KHDRBS2: variants seen among roughly 807,000 people sequenced by gnomAD.
KHDRBS2 encodes KH RNA binding domain containing, signal transduction associated 2.
Under a neutral mutation model 44.3 loss-of-function variants are expected in KHDRBS2, and 26 were observed. The ratio of observed to expected loss-of-function variants is 0.59; its 90% CI spans 0.43 to 0.81. The LOEUF is 0.81. KHDRBS2 is among the 40% of genes least tolerant of loss of function. KHDRBS2 has a pLI of 0.00. For missense variants in KHDRBS2, 476 were observed against 433.1 expected (o/e 1.10, Z -0.88); for synonymous variants, 194 against 151.1 (o/e 1.28, Z -2.08).
the KHDRBS2 span, among the ~76,000 whole-genome samples, chr6:61,552,136 C>T: frequency 1.3e-5 from 2 of 151,990 alleles, no homozygotes; most frequent in African/African-American, 2.4e-5. Flanking sequence ...TTGATTCCTC[C>T]TGTACATGAG....
intron 4 of KHDRBS2, among the ~76,000 whole-genome samples, chr6:61,936,197 T>C (rs1273849940): frequency 2.0e-5 from 3 of 152,216 alleles, no homozygotes; most frequent in South Asian, 4.1e-4. Flanking sequence ...CTTTGCTTCC[T>C]CTCCAGTTCT....
the KHDRBS2 span, among the ~76,000 whole-genome samples, chr6:61,554,516 G>A: frequency 1.3e-5 from 2 of 151,768 alleles, no homozygotes; most frequent in Admixed American, 6.6e-5. Flanking sequence ...TACATTCAAG[G>A]TTAGTATTGA....
At chr6:61,974,468 G>A (rs1211278108) in intron 4 of KHDRBS2, among the ~76,000 whole-genome samples, 4 of 152,008 alleles carry the variant, frequency 2.6e-5, no homozygotes, top group South Asian at 4.1e-4. Flanking sequence ...CCTGTTTCTC[G>A]TTACTCATCA....
rs557151236 is a variant in KHDRBS2, at chr6:62,062,487, C to T, written c.220-14493G>A. ...GGATTAAGAATCTCACTCAAAGCCG[C>T]TCAGCTACGTGGAAACTGAACAACC... On this transcript the variant is annotated intron_variant, in intron 2 of 8. Coordinates refer to ENST00000281156, the MANE Select transcript of KHDRBS2 (RefSeq NM_152688.4). 1.1e-3 allele frequency among the ~76,000 whole-genome samples: 161 copies of T among 152,104 alleles called. 1 individual carries two copies. The highest frequency in any genetic ancestry group is 3.6e-3 in the African/African-American group (151 of 41,502).
At chr6:61,571,624 G>A in the KHDRBS2 span, among the ~76,000 whole-genome samples, 2 of 152,164 alleles carry the variant, frequency 1.3e-5, no homozygotes, top group Non-Finnish European at 2.9e-5. Context: ...CTTTTCTTCA[G>A]TACAGGGAAC....
At chr6:61,930,887 C>G (rs1245247819) in intron 4 of KHDRBS2, among the ~76,000 whole-genome samples, 2 of 151,912 alleles carry the variant, frequency 1.3e-5, no homozygotes, top group Admixed American at 1.3e-4. Flanking sequence ...AATGTTAAAC[C>G]TAATACCACA....
chr6:62,286,061 G>A lies in KHDRBS2; in HGVS notation c.-113C>T, dbSNP rs1842454584. 1.4e-5 allele frequency: 10 copies of A among 708,648 alleles called. No individual in the cohort carries two copies. The highest frequency in any genetic ancestry group is 1.4e-4 in the South Asian group (9 of 66,036). The allele number at this position is 708,648 out of a possible 1,614,324, so 43.9% of individuals were successfully genotyped here. ...GCGCTGCTCCTCCTCCGCGCGGCGA[G>A]GGATCTCTGTGCGTCCTCACTGGCC... On this transcript the variant is annotated 5_prime_UTR_variant, in exon 1 of 9. Transcript: ENST00000281156.
At chr6:61,656,410 A>G in the KHDRBS2 span, among the ~76,000 whole-genome samples, 2 of 151,974 alleles carry the variant, frequency 1.3e-5, no homozygotes, top group Non-Finnish European at 2.9e-5. Flanking sequence ...TTAATTGACA[A>G]CTAATAAAAG....
chr6:61,669,556 T>A, the KHDRBS2 span, among the ~76,000 whole-genome samples: 100 of 151,090 alleles, frequency 6.6e-4, 1 homozygote, highest in African/African-American at 2.2e-3. Flanking sequence ...CATATTAATA[T>A]GTTTATAGAC....
At chr6:61,787,167 G>A (rs563342936) in intron 6 of KHDRBS2, among the ~76,000 whole-genome samples, 28 of 106,888 alleles carry the variant, frequency 2.6e-4, no homozygotes, top group Admixed American at 7.6e-4. Flanking sequence ...ATTTTACCAG[G>A]TCTCTTTTAT....
intron 6 of KHDRBS2, among the ~76,000 whole-genome samples, chr6:61,821,270 G>A (rs1789872854): frequency 6.6e-6 from 1 of 151,862 alleles, no homozygotes; most frequent in Non-Finnish European, 1.5e-5. Context: ...TAAAAACCTG[G>A]GTCCTACTAG....
chr6:62,033,330 G>A (rs1190264186), intron 3 of KHDRBS2, among the ~76,000 whole-genome samples: 1 of 151,876 alleles, frequency 6.6e-6, no homozygotes, highest in African/African-American at 2.4e-5. Context: ...TCCAAACCTA[G>A]AGAAAGATAT....
chr6:61,852,746 T>C (rs1795633840), intron 6 of KHDRBS2, among the ~76,000 whole-genome samples: 1 of 152,140 alleles, frequency 6.6e-6, no homozygotes, highest in African/African-American at 2.4e-5. Context: ...ACATAAACTA[T>C]ACAATGGCTT....
chr6:61,624,644 C>T, the KHDRBS2 span, among the ~76,000 whole-genome samples: 1 of 152,160 alleles, frequency 6.6e-6, no homozygotes, highest in Middle Eastern at 3.2e-3. Context: ...CATACCACAA[C>T]ACCCAGAGGC....
chr6:61,710,505 T>C (rs766585800), intron 7 of KHDRBS2, among the ~76,000 whole-genome samples: 1 of 151,658 alleles, frequency 6.6e-6, no homozygotes, highest in Non-Finnish European at 1.5e-5. Context: ...GCCTCTTCCC[T>C]GTCACTTCTC....
At chr6:62,135,760 C>A (rs914537253) in intron 2 of KHDRBS2, among the ~76,000 whole-genome samples, 1 of 151,998 alleles carries the variant, frequency 6.6e-6, no homozygotes, top group Non-Finnish European at 1.5e-5. Context: ...GAGATCCTGC[C>A]ATTTACCACA....
chr6:61,550,293 T>G, the KHDRBS2 span, among the ~76,000 whole-genome samples: 1 of 152,094 alleles, frequency 6.6e-6, no homozygotes, highest in African/African-American at 2.4e-5. Context: ...TGAGAACGTG[T>G]GGTATTTGGT....
chr6:61,660,026 T>C, the KHDRBS2 span, among the ~76,000 whole-genome samples: 1 of 151,838 alleles, frequency 6.6e-6, no homozygotes, highest in African/African-American at 2.4e-5. Flanking sequence ...TGTTGACATG[T>C]TATTATTATT....
intron 6 of KHDRBS2, among the ~76,000 whole-genome samples, chr6:61,805,187 C>G (rs1449732097): frequency 6.6e-6 from 1 of 152,124 alleles, no homozygotes; most frequent in African/African-American, 2.4e-5. Context: ...TACCCTAAAT[C>G]TTCTCTCTAA....
Sources: allele counts gnomAD v4.1 joint callset (sites outside exome capture counted in the v4.1 genomes callset), GRCh38; gene constraint gnomAD v4.1.1; transcripts MANE v1.5; gene names NCBI Gene and HGNC (gene_info 2026-07-23, HGNC 2026-07-21).